The following TBC1D19 variants were observed in gnomAD, a reference collection of about 807,000 sequenced individuals.
The protein encoded by TBC1D19 is TBC1 domain family, member 19.
TBC1D19 carries 60 observed loss-of-function variants against 89.0 expected under a neutral mutation model. The ratio of observed to expected loss-of-function variants is 0.67; its 90% CI spans 0.55 to 0.84. The LOEUF (loss-of-function observed/expected upper bound fraction) is 0.84, where lower values mean the gene tolerates loss of function less well. Ranked by LOEUF, TBC1D19 falls within the 40% of genes least tolerant of loss-of-function variation. The pLI, the probability that TBC1D19 is intolerant of heterozygous loss-of-function variation, is 0.00. For synonymous variants in TBC1D19, 189 were observed against 199.7 expected (o/e 0.95, Z 0.45); for missense variants, 500 against 610.8 (o/e 0.82, Z 1.91).
intron 10 of TBC1D19, 78 bp from the exon 11 acceptor site, chr4:26,673,698 A>C (rs1039796076): frequency 2.9e-5 from 27 of 923,052 alleles, no homozygotes; most frequent in Non-Finnish European, 2.4e-5. Context: ...AGCTTCCCAA[A>C]AGATTTATAA....
At chr4:26,745,905 A>C (rs1365373056) in intron 18 of TBC1D19, among the ~76,000 whole-genome samples, 1 of 152,146 alleles carries the variant, frequency 6.6e-6, no homozygotes, top group Non-Finnish European at 1.5e-5. Flanking sequence ...TCCAGGAAGA[A>C]GTGATATCAA....
chr4:26,673,546 C>G (rs569163951), intron 10 of TBC1D19, among the ~76,000 whole-genome samples: 183 of 150,664 alleles, frequency 1.2e-3, no homozygotes, highest in Non-Finnish European at 2.1e-3. Context: ...TAAGTCCCTC[C>G]TTATCCACAC....
the TBC1D19 span, among the ~76,000 whole-genome samples, chr4:26,785,887 A>G: frequency 1.3e-5 from 2 of 152,320 alleles, no homozygotes; most frequent in African/African-American, 4.8e-5. Flanking sequence ...TTGGATTTGT[A>G]TTCCACTCAC....
At chr4:26,801,419 T>C in the TBC1D19 span, among the ~76,000 whole-genome samples, 2 of 152,172 alleles carry the variant, frequency 1.3e-5, no homozygotes, top group East Asian at 3.9e-4. Flanking sequence ...AGCCTTGTAG[T>C]ATAGTTTGAA....
At chr4:26,834,411 A>AGT in the TBC1D19 span, among the ~76,000 whole-genome samples, 44 of 152,154 alleles carry the variant, frequency 2.9e-4, no homozygotes, top group Middle Eastern at 3.2e-3. Flanking sequence ...ACAAATATTG[A>AGT]GTGCCCATTA....
At chr4:26,810,095 C>T in the TBC1D19 span, among the ~76,000 whole-genome samples, 2 of 152,202 alleles carry the variant, frequency 1.3e-5, no homozygotes, top group Non-Finnish European at 2.9e-5. Flanking sequence ...CCCCTGAGAG[C>T]AGCCTCCAAA....
At chr4:26,606,289 C>T (rs1381510889) in intron 1 of TBC1D19, among the ~76,000 whole-genome samples, 2 of 152,106 alleles carry the variant, frequency 1.3e-5, no homozygotes, top group Non-Finnish European at 2.9e-5. Flanking sequence ...GGACCTTGCT[C>T]AGAGAGGAAT....
intron 11 of TBC1D19, among the ~76,000 whole-genome samples, chr4:26,676,506 T>G (rs980716519): frequency 1.3e-5 from 2 of 152,068 alleles, no homozygotes; most frequent in Non-Finnish European, 2.9e-5. Flanking sequence ...TCACCTGATT[T>G]TGTGAGTTTG....
chr4:26,776,850 T>G, the TBC1D19 span, among the ~76,000 whole-genome samples: 1 of 152,176 alleles, frequency 6.6e-6, no homozygotes, highest in Non-Finnish European at 1.5e-5. Context: ...TTGCAGTTTT[T>G]GCCTAGATTT....
intron 13 of TBC1D19, among the ~76,000 whole-genome samples, chr4:26,698,231 G>A (rs900582780): frequency 6.6e-6 from 1 of 152,148 alleles, no homozygotes; most frequent in East Asian, 1.9e-4. Context: ...GACAAACAGA[G>A]ACCAAAATCA....
chr4:26,597,482 G>A (rs1447565187), intron 1 of TBC1D19, among the ~76,000 whole-genome samples: 2 of 148,748 alleles, frequency 1.3e-5, no homozygotes, highest in African/African-American at 2.5e-5. Flanking sequence ...TTGTAAAGAC[G>A]TCATATAGTT....
At chr4:26,767,630 A>G in the TBC1D19 span, among the ~76,000 whole-genome samples, 1 of 152,188 alleles carries the variant, frequency 6.6e-6, no homozygotes. Context: ...TAGAGGTCTC[A>G]GAATAAATTT....
intron 8 of TBC1D19, among the ~76,000 whole-genome samples, chr4:26,663,669 A>C (rs560233734): frequency 2.6e-5 from 4 of 152,316 alleles, no homozygotes; most frequent in Admixed American, 2.6e-4. Context: ...CTATATGATT[A>C]AGAGTATAGT....
intron 13 of TBC1D19, among the ~76,000 whole-genome samples, chr4:26,707,864 T>C (rs77620778): frequency 0.016 from 2,364 of 152,122 alleles, 55 homozygotes; most frequent in African/African-American, 0.052. Flanking sequence ...CACTTGATGA[T>C]ATCAGAATGT....
chr4:26,638,866 T>A, intron 6 of TBC1D19, 32 bp downstream of exon 6: 1 of 1,516,520 alleles, frequency 6.6e-7, no homozygotes, highest in Non-Finnish European at 9.0e-7. Flanking sequence ...AATGTAGTAG[T>A]GGAAAAATAA....
At chr4:26,598,520 G>C (rs1001610607) in intron 1 of TBC1D19, among the ~76,000 whole-genome samples, 7 of 152,110 alleles carry the variant, frequency 4.6e-5, no homozygotes, top group African/African-American at 1.7e-4. Flanking sequence ...TCAGCCTCCT[G>C]AGCAGCTGGG....
chr4:26,646,729 A>G (rs1743988229), intron 7 of TBC1D19, among the ~76,000 whole-genome samples: 1 of 152,172 alleles, frequency 6.6e-6, no homozygotes. Flanking sequence ...GTTCTCACTC[A>G]TAGGTGGGAA....
At chr4:26,792,030 C>G in the TBC1D19 span, among the ~76,000 whole-genome samples, 6 of 152,210 alleles carry the variant, frequency 3.9e-5, no homozygotes, top group South Asian at 6.2e-4. Context: ...TCTGGGAATT[C>G]AGAAGAACCA....
the TBC1D19 span, chr4:26,857,936 A>T: frequency 1.3e-5 from 2 of 152,290 alleles, no homozygotes; most frequent in East Asian, 1.9e-4. Context: ...ATCAAACAAC[A>T]TGGGCAAAGT....
Sources: allele counts gnomAD v4.1 joint callset (sites outside exome capture counted in the v4.1 genomes callset), GRCh38; gene constraint gnomAD v4.1.1; transcripts MANE v1.5; gene names NCBI Gene and HGNC (gene_info 2026-07-23, HGNC 2026-07-21).